Variants in RANBP17 observed in about 807,000 individuals in gnomAD.
The protein encoded by RANBP17 is RAN binding protein 17.
In RANBP17, 158 loss-of-function variants were observed where a neutral mutation model predicts 141.2. The ratio of observed to expected loss-of-function variants is 1.12; its 90% CI spans 0.98 to 1.28. The LOEUF is 1.28. Among genes scored for constraint, RANBP17 ranks in the 50% most tolerant of loss-of-function variants. The probability of loss-of-function intolerance (pLI) is 0.00; values close to 1 mark genes in which losing one functional copy is unlikely to be tolerated. For missense variants in RANBP17, 1,438 were observed against 1,290.7 expected (o/e 1.11, Z -1.75); for synonymous variants, 430 against 450.0 (o/e 0.96, Z 0.56).
At chr5:171,000,463 T>C (rs967670710) in intron 14 of RANBP17, among the ~76,000 whole-genome samples, 6 of 152,246 alleles carry the variant, frequency 3.9e-5, no homozygotes, top group African/African-American at 1.4e-4. Context: ...AAAAAAATGA[T>C]GTAGCTATAG....
At chr5:171,285,603 C>T (rs1157520267) in intron 25 of RANBP17, among the ~76,000 whole-genome samples, 3 of 152,202 alleles carry the variant, frequency 2.0e-5, no homozygotes, top group East Asian at 1.9e-4. Flanking sequence ...TGCAGCCTTC[C>T]AATGCCCCAG....
At chr5:170,898,932 A>G (rs1049803606) in intron 5 of RANBP17, among the ~76,000 whole-genome samples, 1 of 152,146 alleles carries the variant, frequency 6.6e-6, no homozygotes, top group African/African-American at 2.4e-5. Context: ...GCCTTGTAGT[A>G]TACTCTGAAG....
At chr5:171,036,649 C>T (rs1038344860) in intron 14 of RANBP17, among the ~76,000 whole-genome samples, 1 of 152,062 alleles carries the variant, frequency 6.6e-6, no homozygotes, top group African/African-American at 2.4e-5. Flanking sequence ...TCCGTGGGTA[C>T]CCACTATTTA....
chr5:170,948,160 G>C (rs1199933730), intron 12 of RANBP17, among the ~76,000 whole-genome samples: 1 of 152,128 alleles, frequency 6.6e-6, no homozygotes, highest in Non-Finnish European at 1.5e-5. Context: ...TACTGGCAAA[G>C]AGTAGTGGTG....
chr5:170,865,741 G>A (rs547046116), intron 1 of RANBP17, among the ~76,000 whole-genome samples: 1 of 152,158 alleles, frequency 6.6e-6, no homozygotes, highest in African/African-American at 2.4e-5. Context: ...CTCAGACCAA[G>A]TGCAAGTTTG....
chr5:170,957,998 A>G (rs1018151812), intron 13 of RANBP17, among the ~76,000 whole-genome samples: 3 of 152,236 alleles, frequency 2.0e-5, no homozygotes, highest in Admixed American at 6.5e-5. Context: ...TGACTACAGA[A>G]TATAACTACC....
chr5:171,161,636 T>C (rs891616893), intron 14 of RANBP17, among the ~76,000 whole-genome samples: 2 of 152,232 alleles, frequency 1.3e-5, no homozygotes, highest in Non-Finnish European at 2.9e-5. Context: ...TGTTCATATT[T>C]TATAGCCAAA....
chr5:171,289,169 A>T (rs949531887), intron 25 of RANBP17, among the ~76,000 whole-genome samples: 2 of 152,084 alleles, frequency 1.3e-5, no homozygotes, highest in African/African-American at 4.8e-5. Context: ...GGCCCTGGGG[A>T]TACAGTACCA....
chr5:170,976,416 T>A (rs1400282732), intron 14 of RANBP17, among the ~76,000 whole-genome samples: 3 of 152,252 alleles, frequency 2.0e-5, no homozygotes, highest in Non-Finnish European at 4.4e-5. Flanking sequence ...GCTCTTCAAA[T>A]TGATCTACAG....
intron 1 of RANBP17, among the ~76,000 whole-genome samples, chr5:170,870,159 TG>T (rs1289596706): frequency 9.9e-5 from 15 of 152,260 alleles, no homozygotes; most frequent in Non-Finnish European, 2.1e-4. Context: ...CTTCTTAGGT[TG>T]ATCATGAGAG....
intron 25 of RANBP17, among the ~76,000 whole-genome samples, chr5:171,273,822 C>G (rs1767288522): frequency 6.6e-6 from 1 of 152,124 alleles, no homozygotes; most frequent in Non-Finnish European, 1.5e-5. Flanking sequence ...TTTTAAACTT[C>G]TGAAGCATAC....
chr5:171,071,156 C>T (rs1315256512), intron 14 of RANBP17, among the ~76,000 whole-genome samples: 1 of 152,056 alleles, frequency 6.6e-6, no homozygotes, highest in Non-Finnish European at 1.5e-5. Context: ...GTAACCTCGC[C>T]ATTTTTAACC....
At chr5:170,959,122 C>T (rs912671031) in intron 13 of RANBP17, among the ~76,000 whole-genome samples, 1 of 152,168 alleles carries the variant, frequency 6.6e-6, no homozygotes. Flanking sequence ...TAGCTTCTTT[C>T]AGACCTATTC....
At chr5:171,061,855 G>C (rs1783890352) in intron 14 of RANBP17, among the ~76,000 whole-genome samples, 2 of 152,104 alleles carry the variant, frequency 1.3e-5, no homozygotes, top group African/African-American at 4.8e-5. Flanking sequence ...TCCTGTATTG[G>C]GTGCATATAT....
intron 1 of RANBP17, among the ~76,000 whole-genome samples, chr5:170,866,502 C>A (rs1767272785): frequency 6.6e-6 from 1 of 152,016 alleles, no homozygotes; most frequent in Non-Finnish European, 1.5e-5. Flanking sequence ...AGTGAAACCC[C>A]ATGTCTACTA....
chr5:171,147,274 G>A (rs1276357643), intron 14 of RANBP17, among the ~76,000 whole-genome samples: 2 of 147,936 alleles, frequency 1.4e-5, no homozygotes, highest in African/African-American at 4.9e-5. Context: ...ATTTTGTGCT[G>A]AAGTCTAAAA....
At chr5:171,078,621 G>A (rs1049587391) in intron 14 of RANBP17, among the ~76,000 whole-genome samples, 2 of 152,174 alleles carry the variant, frequency 1.3e-5, no homozygotes, top group East Asian at 3.9e-4. Context: ...TTAAGTTGAA[G>A]CCAGTGCTCA....
At chr5:171,023,306 CTTTTATAT>C (rs1561997770) in intron 14 of RANBP17, among the ~76,000 whole-genome samples, 3 of 152,190 alleles carry the variant, frequency 2.0e-5, no homozygotes, top group Non-Finnish European at 4.4e-5. Flanking sequence ...ACTTTTATAA[CTTTTATAT>C]TTCTGTCCTT....
intron 25 of RANBP17, among the ~76,000 whole-genome samples, chr5:171,273,112 G>T (rs1195489880): frequency 6.6e-6 from 1 of 152,188 alleles, no homozygotes; most frequent in East Asian, 1.9e-4. Flanking sequence ...GAATCAATAT[G>T]GCAGCTGTGA....
Sources: allele counts gnomAD v4.1 joint callset (sites outside exome capture counted in the v4.1 genomes callset), GRCh38; gene constraint gnomAD v4.1.1; transcripts MANE v1.5; gene names NCBI Gene and HGNC (gene_info 2026-07-23, HGNC 2026-07-21).